Variants in ANKRD28 observed in about 807,000 individuals in gnomAD.
ANKRD28 encodes serine/threonine-protein phosphatase 6 regulatory ankyrin repeat subunit A.
Under a neutral mutation model 126.5 loss-of-function variants are expected in ANKRD28, and 44 were observed. The ratio of observed to expected loss-of-function variants is 0.35; its 90% confidence interval spans 0.27 to 0.45. ANKRD28 has a LOEUF of 0.45. ANKRD28 is among the 20% of genes least tolerant of loss of function. The probability of loss-of-function intolerance (pLI) is 1.00; values close to 1 mark genes in which losing one functional copy is unlikely to be tolerated. For missense variants in ANKRD28, 1,110 were observed against 1,316.6 expected, an observed-to-expected ratio of 0.84 and a Z score of 2.43; for synonymous variants, 442 against 468.5, an observed-to-expected ratio of 0.94 and a Z score of 0.73.
intron 1 of ANKRD28, among the ~76,000 whole-genome samples, chr3:15,857,066 T>G (rs1300615129): frequency 6.6e-6 from 1 of 152,216 alleles, no homozygotes; most frequent in Non-Finnish European, 1.5e-5. Context: ...CGGGAAAGTT[T>G]AAGAGTATTT....
chr3:15,736,981 G>C (rs1045705138), intron 5 of ANKRD28, 52 bp downstream of exon 5: 14 of 1,546,146 alleles, frequency 9.1e-6, no homozygotes, highest in East Asian at 6.8e-5. Context: ...TTTAATAAGT[G>C]GGGGGTGGAC....
At chr3:15,766,070 A>G (rs2058721510) in intron 3 of ANKRD28, among the ~76,000 whole-genome samples, 164 bp downstream of exon 3, 1 of 152,202 alleles carries the variant, frequency 6.6e-6, no homozygotes, top group African/African-American at 2.4e-5. Context: ...CACCCAGAAA[A>G]AGATATGTGA....
chr3:15,768,656 G>C (rs1398320543), intron 2 of ANKRD28, among the ~76,000 whole-genome samples: 4 of 151,868 alleles, frequency 2.6e-5, no homozygotes, highest in African/African-American at 9.7e-5. Context: ...TCTCTGGCGG[G>C]GGGCGGCGGT....
At chr3:15,807,605 T>C (rs2060612290) in intron 1 of ANKRD28, among the ~76,000 whole-genome samples, 1 of 152,190 alleles carries the variant, frequency 6.6e-6, no homozygotes, top group Non-Finnish European at 1.5e-5. Context: ...GCAAGGCTAA[T>C]TACTAGACAC....
intron 2 of ANKRD28, among the ~76,000 whole-genome samples, chr3:15,775,397 G>A (rs1319552707): frequency 6.6e-6 from 1 of 152,120 alleles, no homozygotes; most frequent in African/African-American, 2.4e-5. Context: ...ATTCCCCGGA[G>A]GACACCAGCT....
At chr3:15,798,802 G>T (rs1354514387), upstream of ANKRD28, among the ~76,000 whole-genome samples, 1 of 151,922 alleles carries the variant, frequency 6.6e-6, no homozygotes, top group Non-Finnish European at 1.5e-5. Flanking sequence ...TACCCAACAT[G>T]GGGGATATTT....
chr3:15,744,454 C>T (rs1475452239), intron 4 of ANKRD28, among the ~76,000 whole-genome samples: 19 of 149,378 alleles, frequency 1.3e-4, no homozygotes, highest in African/African-American at 4.2e-4. Flanking sequence ...AAACTACAGG[C>T]GGGCACCACC....
chr3:15,728,074 T>G (rs542681716), intron 6 of ANKRD28, among the ~76,000 whole-genome samples: 1 of 152,162 alleles, frequency 6.6e-6, no homozygotes, highest in Non-Finnish European at 1.5e-5. Flanking sequence ...CATCCAAACC[T>G]TCAGCAACCA....
rs1015581929 is a variant in ANKRD28 at position 15,858,367 on chromosome 3, C to A, written c.27+1010G>T. 1.7e-4 allele frequency among the ~76,000 whole-genome samples: 26 copies of A among 152,196 alleles called. 2 individuals carry two copies. The highest frequency in any genetic ancestry group is 2.9e-5 in the Non-Finnish European group (2 of 68,032). ...ACACAAGGTCTGCGATCAGCCTAAA[C>A]ATAAAATTCACTTATGAAATGAGAA... On this transcript the variant is annotated intron_variant, in intron 1 of 27. Transcript: ENST00000399451.
At chr3:15,768,010 A>G (rs1365610534) in intron 2 of ANKRD28, among the ~76,000 whole-genome samples, 2 of 152,174 alleles carry the variant, frequency 1.3e-5, no homozygotes, top group Non-Finnish European at 2.9e-5. Context: ...GACCATGGAA[A>G]TGCAGGCCAA....
At chr3:15,766,197 T>C (rs1286412747) in intron 3 of ANKRD28, 37 bp downstream of exon 3, 3 of 1,487,628 alleles carry the variant, frequency 2.0e-6, no homozygotes, top group Admixed American at 1.8e-5. Context: ...AACAAAAATA[T>C]ACATAATGTG....
chr3:15,855,526 A>G (rs539469815), intron 1 of ANKRD28, among the ~76,000 whole-genome samples: 1 of 152,358 alleles, frequency 6.6e-6, no homozygotes, highest in South Asian at 2.1e-4. Flanking sequence ...ACTATCCCAG[A>G]TTACACATAT....
rs536513139 is a variant in ANKRD28, at chr3:15,701,346, T to TA, written c.1548-5102dup. 3.8e-3 allele frequency among the ~76,000 whole-genome samples: 572 copies of TA among 152,044 alleles called. 2 individuals are homozygous for TA. The highest frequency in any genetic ancestry group is 4.1e-3 in the Non-Finnish European group (280 of 67,976). ...TAAAATTCTTTGGAGTCAAGCATAATAAAAAAAAGAAGATTAAGCTGGGTG... is the reference window on the plus strand; with the variant it reads ...TAAAATTCTTTGGAGTCAAGCATAATAAAAAAAAAGAAGATTAAGCTGGGTG... On this transcript the variant is annotated intron_variant, in intron 14 of 27. Transcript: ENST00000683139.
In ANKRD28 at chr3:15,833,217, T is replaced by C. The variant is rs2061243285; in HGVS notation, c.27+26160A>G. Among the ~76,000 whole-genome samples, 1 of 152,142 alleles carries C rather than the reference T, an allele frequency of 6.6e-6. No individual in the cohort carries two copies. Among genetic ancestry groups the C allele is most frequent in the Non-Finnish European group, 1.5e-5 (1 of 68,020 alleles). ...TGGGCTGGGAAAGGCGGATCTACCC[T>C]TAATCTGAGTAGGCACCATCTAATC... On this transcript the variant is annotated intron_variant, in intron 1 of 27. Transcript: ENST00000399451. The surrounding 1 kb of genome is among the most constrained non-coding windows in gnomAD (Gnocchi z 4.4).
intron 2 of ANKRD28, among the ~76,000 whole-genome samples, chr3:15,771,186 G>C (rs1278046530): frequency 6.6e-6 from 1 of 152,134 alleles, no homozygotes; most frequent in Non-Finnish European, 1.5e-5. Context: ...CAGGCGGGCG[G>C]ATCACCTGAG....
intron 1 of ANKRD28, among the ~76,000 whole-genome samples, chr3:15,840,607 A>C (rs769384024): frequency 1.2e-4 from 18 of 152,218 alleles, no homozygotes; most frequent in Non-Finnish European, 1.9e-4. Context: ...CAAAAAGAAC[A>C]AACTGGAGGA....
chr3:15,797,426 G>A lies in ANKRD28; in HGVS notation c.-905C>T, dbSNP rs1291189473. The A allele has an allele frequency of 3.0e-6, 3 of 985,246 alleles. No individual in the cohort carries two copies. Among genetic ancestry groups the A allele is most frequent in the African/African-American group, 3.5e-5 (2 of 57,192 alleles). 61.0% of individuals were successfully genotyped at this position (985,246 alleles called of 1,614,324 possible). On this transcript the variant is annotated 5_prime_UTR_variant, in exon 1 of 28. Transcript: ENST00000683139. ...TTTCTCCATCAGGCAGTTGTCTGTG[G>A]CTGCTCCAGCAAAAGGGCACAGGCA...
intron 17 of ANKRD28, among the ~76,000 whole-genome samples, chr3:15,694,322 C>G (rs2069217173): frequency 1.3e-5 from 2 of 152,066 alleles, no homozygotes; most frequent in African/African-American, 4.8e-5. Flanking sequence ...CAAGTTAGCA[C>G]CCCAAGATCA....
At chr3:15,752,092 CA>C (rs1348221978) in intron 3 of ANKRD28, among the ~76,000 whole-genome samples, 1 of 151,924 alleles carries the variant, frequency 6.6e-6, no homozygotes, top group African/African-American at 2.4e-5. Context: ...CACCTTTATA[CA>C]GAGCATATCC....
Sources: gnomAD v4.1 joint callset for allele counts (sites outside exome capture counted in the v4.1 genomes callset) on GRCh38, gnomAD v4.1.1 for gene constraint, Gnocchi (gnomAD v3.1) non-coding constraint, MANE v1.5 for transcripts, NCBI Gene and HGNC (gene_info 2026-07-23, HGNC 2026-07-21) for gene names.